ANKRD33B: variants seen among roughly 807,000 people sequenced by gnomAD.
The protein encoded by ANKRD33B is ankyrin repeat domain 33B, also known as ankyrin repeat domain-containing protein 33B.
Under a neutral mutation model 21.5 loss-of-function variants are expected in ANKRD33B, and 6 were observed. The ratio of observed to expected loss-of-function variants is 0.28; its 90% CI spans 0.15 to 0.55. The LOEUF (loss-of-function observed/expected upper bound fraction) is 0.55, where lower values mean the gene tolerates loss of function less well. ANKRD33B is among the 20% of genes least tolerant of loss of function. ANKRD33B has a pLI of 0.94. For missense variants in ANKRD33B, 698 were observed against 747.2 expected (o/e 0.93, Z 0.77); for synonymous variants, 347 against 342.4 (o/e 1.01, Z -0.15).
intron 2 of ANKRD33B, among the ~76,000 whole-genome samples, chr5:10,634,985 G>T (rs1164524948): frequency 6.6e-6 from 1 of 151,538 alleles, no homozygotes; most frequent in East Asian, 1.9e-4. Context: ...GGGAAAACCC[G>T]TGGGAAGCAG....
At chr5:10,608,196 CA>C (rs1297621309) in intron 1 of ANKRD33B, among the ~76,000 whole-genome samples, 1,868 of 113,194 alleles carry the variant, frequency 0.017, 14 homozygotes, top group Middle Eastern at 0.038. Flanking sequence ...TAAAAAAATA[CA>C]AAAAAAAAAA....
chr5:10,647,164 G>A (rs916627685), intron 3 of ANKRD33B, among the ~76,000 whole-genome samples: 7 of 151,930 alleles, frequency 4.6e-5, no homozygotes, highest in Admixed American at 3.3e-4. Context: ...GAGTGCGGTG[G>A]TGCGATCTCG....
intron 3 of ANKRD33B, among the ~76,000 whole-genome samples, chr5:10,647,013 C>T (rs868414416): frequency 1.3e-5 from 2 of 152,192 alleles, no homozygotes; most frequent in African/African-American, 2.4e-5. Context: ...CTGTCGGGTC[C>T]GGTCCCCTTT....
intron 1 of ANKRD33B, among the ~76,000 whole-genome samples, chr5:10,588,103 CA>C (rs1735607929): frequency 6.6e-6 from 1 of 152,034 alleles, no homozygotes; most frequent in Non-Finnish European, 1.5e-5. Flanking sequence ...TGCTGATCTT[CA>C]AAATATTAAG....
Position 10,649,315 on chromosome 5 carries a change from G to C in ANKRD33B, c.687G>C (p.Glu229Asp), listed in dbSNP as rs1247314855. ...RDPRRGMSPQ[E>D]WATYTGRVDA... ...CCCGCCGTGGGATGTCGCCGCAGGAGTGGGCCACTTACACGGGCCGCGTGG... is the reference window on the plus strand; with the variant it reads ...CCCGCCGTGGGATGTCGCCGCAGGACTGGGCCACTTACACGGGCCGCGTGG... The change falls in exon 4 of 4, where the codon GAG becomes GAC. Residue 229 changes from glutamate (E) to aspartate (D), a missense_variant. Physicochemically the swap from Glu to Asp is conservative, Grantham distance 45 (BLOSUM62 2). Around this residue, in one of 3 missense-constraint regions of ANKRD33B, gnomAD observed 543 missense variants for 566.5 expected, o/e 0.96. Coordinates refer to ENST00000296657, the MANE Select transcript of ANKRD33B (RefSeq NM_001164440.2). 12 of 1,533,716 alleles carry C rather than the reference G, an allele frequency of 7.8e-6. No homozygotes were observed. Among genetic ancestry groups the C allele is most frequent in the Non-Finnish European group, 9.6e-6 (11 of 1,146,024 alleles).
At chr5:10,595,374 G>A (rs1271214295) in intron 1 of ANKRD33B, among the ~76,000 whole-genome samples, 6 of 152,128 alleles carry the variant, frequency 3.9e-5, no homozygotes, top group Admixed American at 1.3e-4. Flanking sequence ...GCAGGGCCAC[G>A]CTCCCTCTGG....
intron 3 of ANKRD33B, among the ~76,000 whole-genome samples, chr5:10,643,614 G>A (rs1333166756): frequency 1.3e-5 from 2 of 151,704 alleles, no homozygotes; most frequent in South Asian, 4.2e-4. Flanking sequence ...ACAGGAGTTC[G>A]AGACCAGCCT....
intron 3 of ANKRD33B, among the ~76,000 whole-genome samples, chr5:10,639,113 A>G (rs1375058638): frequency 9.3e-5 from 6 of 64,736 alleles, no homozygotes; most frequent in East Asian, 4.6e-4. Context: ...GGTGACGCGG[A>G]GTTGCGCGGC....
rs1286010520 is a variant in ANKRD33B at position 10,654,546 on chromosome 5, G to A, written c.*4433G>A. 6.6e-6 allele frequency: 1 copy of A among 152,412 alleles called. No individual in the cohort carries two copies. Among genetic ancestry groups the A allele is most frequent in the Non-Finnish European group, 1.5e-5 (1 of 68,056 alleles). The allele number at this position is 152,412 out of a possible 1,614,324, so 9.4% of individuals were successfully genotyped here. A position where few individuals can be genotyped will look rare whatever the true frequency, so the allele number is the denominator to read the frequency against. On this transcript the variant is annotated 3_prime_UTR_variant, in exon 4 of 4. Coordinates refer to ENST00000296657, the MANE Select transcript of ANKRD33B (RefSeq NM_001164440.2). ...CTGCTGATGACAACTGAGATGCCTG[G>A]AGCTCACCCTTGATGGAGACTTCCT... is the stretch of plus-strand genomic sequence containing the variant.
At chr5:10,607,858 T>C (rs1194519473) in intron 1 of ANKRD33B, among the ~76,000 whole-genome samples, 1 of 152,212 alleles carries the variant, frequency 6.6e-6, no homozygotes, top group Non-Finnish European at 1.5e-5. Context: ...TCCTTGTTAC[T>C]GAGTGCCTCC....
Position 10,648,260 on chromosome 5 carries a change from G to A in ANKRD33B, c.638-1006G>A, listed in dbSNP as rs74736439. Reference sequence around the variant, plus strand: ...CCAGCTAGGCCGCAGTGGGAGAAGCGAAGGAACCACCCATTTCCCACAGTC... The same window carrying A: ...CCAGCTAGGCCGCAGTGGGAGAAGCAAAGGAACCACCCATTTCCCACAGTC... On this transcript the variant is annotated intron_variant, in intron 3 of 3. Transcript: ENST00000296657. Among the ~76,000 whole-genome samples the A allele has an allele frequency of 5.3e-4, 80 of 152,328 alleles. 1 individual carries two copies. The East Asian group carries it at 0.012, about 22-fold the overall frequency.
At chr5:10,592,230 C>T (rs1454576400) in intron 1 of ANKRD33B, among the ~76,000 whole-genome samples, 2 of 152,042 alleles carry the variant, frequency 1.3e-5, no homozygotes, top group Admixed American at 6.5e-5. Context: ...ATTTTCTTCT[C>T]ACCAATTTGT....
At chr5:10,589,344 C>T (rs1735635764) in intron 1 of ANKRD33B, among the ~76,000 whole-genome samples, 1 of 152,156 alleles carries the variant, frequency 6.6e-6, no homozygotes, top group African/African-American at 2.4e-5. Flanking sequence ...AAACTTGATT[C>T]ATTTTGCAGT....
rs868070326 is a variant in ANKRD33B at position 10,580,014 on chromosome 5, A to T, written c.366+15181A>T. 1.1e-4 allele frequency among the ~76,000 whole-genome samples: 17 copies of T among 152,046 alleles called. 1 individual carries two copies. The highest frequency in any genetic ancestry group is 3.4e-3 in the Middle Eastern group (1 of 294). ...CCCCCTCCAGCCCTAAGCAACCATT[A>T]ATCTACTCTGTCTGCCTGTTTACAT... On this transcript the variant is annotated intron_variant, in intron 1 of 3. Coordinates refer to ENST00000296657, the MANE Select transcript of ANKRD33B (RefSeq NM_001164440.2).
chr5:10,571,307 T>C (rs1025127605), intron 1 of ANKRD33B, among the ~76,000 whole-genome samples: 1 of 152,228 alleles, frequency 6.6e-6, no homozygotes, highest in Non-Finnish European at 1.5e-5. Context: ...GTTCAAGCGA[T>C]TGTCCTGCCT....
chr5:10,567,525 C>T (rs1198604995), intron 1 of ANKRD33B, among the ~76,000 whole-genome samples: 2 of 151,978 alleles, frequency 1.3e-5, no homozygotes, highest in Non-Finnish European at 2.9e-5. Flanking sequence ...TGTCCGGTCT[C>T]CCCGACGGCA....
chr5:10,607,446 C>T (rs915614863), intron 1 of ANKRD33B, among the ~76,000 whole-genome samples: 6 of 152,156 alleles, frequency 3.9e-5, no homozygotes, highest in Non-Finnish European at 2.9e-5. Context: ...ATTTCACTTA[C>T]GTTTAATTAC....
Position 10,657,104 on chromosome 5 carries a change from A to G in ANKRD33B, c.*6991A>G, listed in dbSNP as rs113985450. On this transcript the variant is annotated 3_prime_UTR_variant, in exon 4 of 4. Transcript: ENST00000296657. ...CCAGTTTTTGAGCAGAAGTTCTAGA[A>G]GCTGATTTAGAACTACACAGCTATG... 1.0e-2 allele frequency: 1,523 copies of G among 152,494 alleles called. 23 individuals carry two copies. The highest frequency in any genetic ancestry group is 0.034 in the African/African-American group (1,434 of 41,578). 9.4% of individuals were successfully genotyped at this position (152,494 alleles called of 1,614,324 possible). A position where few individuals can be genotyped will look rare whatever the true frequency, so the allele number is the denominator to read the frequency against.
chr5:10,577,125 T>G (rs1334901125), intron 1 of ANKRD33B, among the ~76,000 whole-genome samples: 1 of 148,298 alleles, frequency 6.7e-6, no homozygotes, highest in Non-Finnish European at 1.5e-5. Flanking sequence ...CCCCTTCCCC[T>G]TCCCCTTTTC....
Sources: gnomAD v4.1 joint callset for allele counts (sites outside exome capture counted in the v4.1 genomes callset) on GRCh38, gnomAD v4.1.1 for gene constraint, gnomAD v4.1.1 regional missense constraint, MANE v1.5 for transcripts, NCBI Gene and HGNC (gene_info 2026-07-23, HGNC 2026-07-21) for gene names.